CACNA1E: variants seen among roughly 807,000 people sequenced by gnomAD.
CACNA1E encodes the protein voltage-dependent R-type calcium channel subunit alpha-1E.
CACNA1E carries 40 observed loss-of-function variants against 259.2 expected under a neutral mutation model. That is an observed-to-expected ratio of 0.15 (90% CI 0.12 to 0.20). The LOEUF (loss-of-function observed/expected upper bound fraction) is 0.20. Among genes scored for constraint, CACNA1E ranks in the 10% least tolerant of loss-of-function variants. The probability of loss-of-function intolerance (pLI) is 1.00; values close to 1 mark genes in which losing one functional copy is unlikely to be tolerated. For synonymous variants in CACNA1E, 1,104 were observed against 1,138.5 expected, an observed-to-expected ratio of 0.97 and a Z score of 0.61; for missense variants, 1,874 against 3,040.1, an observed-to-expected ratio of 0.62 and a Z score of 9.02.
exon 1 of CACNA1E, chr1:181,317,796 C>T (rs908579884): frequency 4.6e-5 from 7 of 152,210 alleles, no homozygotes; most frequent in East Asian, 1.9e-4. Flanking sequence ...TCTGCCCTCT[C>T]GGGTGGTGGG....
At chr1:181,576,221 C>T (rs1225773791) in intron 3 of CACNA1E, among the ~76,000 whole-genome samples, 2 of 152,238 alleles carry the variant, frequency 1.3e-5, no homozygotes, top group African/African-American at 4.8e-5. Context: ...AACGTAGACT[C>T]AGAGAATCTT....
intron 2 of CACNA1E, among the ~76,000 whole-genome samples, chr1:181,468,212 A>G (rs1350919394): frequency 2.0e-5 from 3 of 152,178 alleles, no homozygotes; most frequent in Non-Finnish European, 4.4e-5. Flanking sequence ...AGAACAAAAT[A>G]TTGTACTCGA....
chr1:181,739,891 TC>T (rs1327868300), intron 25 of CACNA1E, among the ~76,000 whole-genome samples: 3 of 152,266 alleles, frequency 2.0e-5, no homozygotes, highest in South Asian at 2.1e-4. Flanking sequence ...GGGATTTTTT[TC>T]CCCCCTGCAC....
chr1:181,367,936 C>G (rs1654399165), intron 1 of CACNA1E, among the ~76,000 whole-genome samples: 1 of 152,028 alleles, frequency 6.6e-6, no homozygotes, highest in Non-Finnish European at 1.5e-5. Context: ...AAGTAGTTGA[C>G]AAAAAGAAAA....
chr1:181,326,525 C>T (rs933193383), intron 1 of CACNA1E, among the ~76,000 whole-genome samples: 2 of 152,134 alleles, frequency 1.3e-5, no homozygotes, highest in Non-Finnish European at 1.5e-5. Context: ...CTGAGTTCCT[C>T]CTCCAGATGG....
At chr1:181,350,389 C>G (rs1404565209) in intron 1 of CACNA1E, among the ~76,000 whole-genome samples, 1 of 152,130 alleles carries the variant, frequency 6.6e-6, no homozygotes, top group African/African-American at 2.4e-5. Context: ...CAAGTGGAGC[C>G]CTGCTCCTCT....
At chr1:181,448,246 T>C (rs1325907923) in intron 2 of CACNA1E, among the ~76,000 whole-genome samples, 1 of 152,238 alleles carries the variant, frequency 6.6e-6, no homozygotes, top group East Asian at 1.9e-4. Flanking sequence ...TAAATTAGCT[T>C]TTTTTGAGCA....
chr1:181,470,068 T>TGA (rs751490718), intron 2 of CACNA1E, among the ~76,000 whole-genome samples: 54 of 144,122 alleles, frequency 3.7e-4, no homozygotes, highest in Admixed American at 2.8e-3. Flanking sequence ...AGAGAGAGAG[T>TGA]GAGAGAGAGA....
At chr1:181,639,766 A>G (rs1657582831) in intron 6 of CACNA1E, among the ~76,000 whole-genome samples, 1 of 152,224 alleles carries the variant, frequency 6.6e-6, no homozygotes, top group Non-Finnish European at 1.5e-5. Context: ...GGGGATGCTC[A>G]TTTGGAATGA....
chr1:181,470,358 T>G (rs547695746), intron 2 of CACNA1E, among the ~76,000 whole-genome samples: 47 of 152,156 alleles, frequency 3.1e-4, no homozygotes, highest in African/African-American at 1.1e-3. Context: ...TTGGCTAATT[T>G]ATTTTTATTT....
At chr1:181,468,843 T>C (rs1020433587) in intron 2 of CACNA1E, among the ~76,000 whole-genome samples, 5 of 152,066 alleles carry the variant, frequency 3.3e-5, no homozygotes, top group African/African-American at 1.2e-4. Context: ...AATTACAAGG[T>C]GTTCTCAGGG....
At chr1:181,795,609 T>A (rs1234815103) in intron 46 of CACNA1E, among the ~76,000 whole-genome samples, 1 of 151,476 alleles carries the variant, frequency 6.6e-6, no homozygotes, top group African/African-American at 2.4e-5. Flanking sequence ...CCCGGCTAAT[T>A]TTTTGTATTT....
chr1:181,784,686 C>A lies in CACNA1E; in HGVS notation c.5496C>A (p.Asp1832Glu), dbSNP rs1443141963. 1 of 1,583,304 alleles carries A rather than the reference C, an allele frequency of 6.3e-7. No homozygotes were observed. The highest frequency in any genetic ancestry group is 8.6e-7 in the Non-Finnish European group (1 of 1,164,286). Residue 1832 changes from aspartate to glutamate, a missense_variant, in exon 41 of 48, where the codon GAC becomes GAA. Asp to Glu is a conservative substitution (Grantham distance 45, BLOSUM62 2). Coordinates refer to ENST00000367573, the MANE Select transcript of CACNA1E (RefSeq NM_001205293.3). ...AKGGADRQQL[D>E]SELQKETLAI... ...GTGGTGCAGACAGGCAGCAGCTAGA[C>A]TCAGAGCTACAAAAGGAGACCCTAG...
intron 46 of CACNA1E, among the ~76,000 whole-genome samples, chr1:181,795,432 T>C (rs1353017152): frequency 7.1e-6 from 1 of 139,968 alleles, no homozygotes; most frequent in Non-Finnish European, 1.5e-5. Context: ...TGGAGTTATT[T>C]CCTGTGTTTG....
Position 181,798,970 on chromosome 1 carries a change from G to A in CACNA1E, c.*136G>A, listed in dbSNP as rs1363302701. 4 of 766,936 alleles carry A rather than the reference G, an allele frequency of 5.2e-6. No homozygotes were observed. Among genetic ancestry groups the A allele is most frequent in the African/African-American group, 1.7e-5 (1 of 57,386 alleles). 47.5% of individuals were successfully genotyped at this position (766,936 alleles called of 1,614,324 possible). A position where few individuals can be genotyped will look rare whatever the true frequency, so the allele number is the denominator to read the frequency against. On this transcript the variant is annotated 3_prime_UTR_variant, in exon 48 of 48. Transcript: ENST00000367573. This position sits in a 1 kb window ranked among gnomAD's most constrained non-coding sequence, Gnocchi z 4.2. The stretch of plus-strand genomic sequence containing the variant: ...GGACACCATGCATTATCAGAGAAGA[G>A]GAAGTAAAGGACAATCAGAACACCA...
At position 181,805,028 on chromosome 1, in the gene CACNA1E, T is replaced by C. The variant is rs760925041; in HGVS notation, c.*6194T>C. On this transcript the variant is annotated 3_prime_UTR_variant, in exon 48 of 48. Coordinates refer to ENST00000367573, the MANE Select transcript of CACNA1E (RefSeq NM_001205293.3). ...TTCTCTTTGTGCAAACTTAAACCAG[T>C]CATAGATTGTCACCCAGACATATTC... 6.6e-6 allele frequency: 1 copy of C among 151,762 alleles called. No individual in the cohort carries two copies. Among genetic ancestry groups the C allele is most frequent in the African/African-American group, 2.4e-5 (1 of 41,338 alleles). 9.4% of individuals were successfully genotyped at this position (151,762 alleles called of 1,614,324 possible).
chr1:181,428,963 T>C (rs1456661729), intron 2 of CACNA1E, among the ~76,000 whole-genome samples: 1 of 151,918 alleles, frequency 6.6e-6, no homozygotes. Flanking sequence ...GGGTGGATCA[T>C]TTGAGGTCAG....
chr1:181,456,343 G>C (rs1057370320), intron 2 of CACNA1E, among the ~76,000 whole-genome samples: 2 of 152,166 alleles, frequency 1.3e-5, no homozygotes, highest in African/African-American at 2.4e-5. Flanking sequence ...TCTGTAGGGG[G>C]TACTCCTGTG....
chr1:181,318,056 G>C (rs994205465), exon 1 of CACNA1E: 1 of 145,104 alleles, frequency 6.9e-6, no homozygotes, highest in Non-Finnish European at 1.5e-5. Flanking sequence ...AAATAATTCA[G>C]TGATGTCTCG....
Sources: allele counts gnomAD v4.1 joint callset (sites outside exome capture counted in the v4.1 genomes callset), GRCh38; gene constraint gnomAD v4.1.1; non-coding constraint Gnocchi (gnomAD v3.1); transcripts MANE v1.5; gene names NCBI Gene and HGNC (gene_info 2026-07-23, HGNC 2026-07-21).